SGSM1: variants seen among roughly 807,000 people sequenced by gnomAD.
The protein encoded by SGSM1 is small G protein signaling modulator 1, also known as RUN and TBC1 domain containing 2.
SGSM1 carries 73 observed loss-of-function variants against 133.8 expected under a neutral mutation model. That is an observed-to-expected ratio of 0.55 (90% CI 0.45 to 0.66). SGSM1 has a LOEUF of 0.66. Among genes scored for constraint, SGSM1 ranks in the 30% least tolerant of loss-of-function variants. SGSM1 has a pLI of 0.00. For synonymous variants in SGSM1, 563 were observed against 573.0 expected (o/e 0.98, Z 0.25); for missense variants, 1,213 against 1,448.1 (o/e 0.84, Z 2.64).
At chr22:24,846,492 T>C (rs567722421) in intron 3 of SGSM1, among the ~76,000 whole-genome samples, 1 of 152,326 alleles carries the variant, frequency 6.6e-6, no homozygotes, top group African/African-American at 2.4e-5. Flanking sequence ...ATCTTAAGAC[T>C]TGCTAGCCTA....
chr22:24,916,781 C>A (rs1933835533), intron 22 of SGSM1, among the ~76,000 whole-genome samples: 1 of 152,038 alleles, frequency 6.6e-6, no homozygotes, highest in Admixed American at 6.6e-5. Context: ...CCATTCATGT[C>A]TTGATGGACA....
intron 16 of SGSM1, among the ~76,000 whole-genome samples, chr22:24,890,198 C>T (rs1301049365): frequency 6.6e-6 from 1 of 152,092 alleles, no homozygotes. Context: ...CCTTGTGATC[C>T]GCCCGCCTTG....
At chr22:24,851,449 GGAGAGAGAGAGA>G (rs56956761) in intron 5 of SGSM1, among the ~76,000 whole-genome samples, 60 of 112,870 alleles carry the variant, frequency 5.3e-4, no homozygotes, top group South Asian at 4.5e-3. Context: ...GGGGGTGGGG[GGAGAGAGAGAGA>G]GAGAGAGAGA....
chr22:24,829,301 T>C (rs1026136745), intron 2 of SGSM1, among the ~76,000 whole-genome samples: 5 of 151,964 alleles, frequency 3.3e-5, no homozygotes, highest in African/African-American at 9.7e-5. Context: ...AAATACCACA[T>C]GTTTTCACTT....
chr22:24,910,221 T>TA (rs754814066), intron 21 of SGSM1, among the ~76,000 whole-genome samples: 1 of 152,096 alleles, frequency 6.6e-6, no homozygotes, highest in Non-Finnish European at 1.5e-5. Context: ...GCTTCATTGA[T>TA]ATAGGGATTT....
intron 2 of SGSM1, among the ~76,000 whole-genome samples, chr22:24,818,477 C>T (rs1027393621): frequency 6.6e-6 from 1 of 151,434 alleles, no homozygotes; most frequent in African/African-American, 2.4e-5. Flanking sequence ...AAGCGATTCT[C>T]CTGCCTCAGC....
intron 20 of SGSM1, among the ~76,000 whole-genome samples, chr22:24,902,448 A>T (rs1933201317): frequency 6.6e-6 from 1 of 152,088 alleles, no homozygotes; most frequent in Admixed American, 6.6e-5. Context: ...AGGCCACTTG[A>T]GTTCTTCACA....
chr22:24,906,263 C>A (rs550497998), intron 21 of SGSM1, among the ~76,000 whole-genome samples: 3 of 152,214 alleles, frequency 2.0e-5, no homozygotes, highest in Admixed American at 2.0e-4. Flanking sequence ...AAACTAAACA[C>A]GATAGAGGGC....
chr22:24,834,229 C>G (rs1166254671), intron 2 of SGSM1, among the ~76,000 whole-genome samples: 1 of 152,220 alleles, frequency 6.6e-6, no homozygotes, highest in African/African-American at 2.4e-5. Context: ...TGAGAGCTGT[C>G]CCCGACTGCA....
At chr22:24,916,787 G>T (rs1169296680) in intron 22 of SGSM1, among the ~76,000 whole-genome samples, 6 of 152,088 alleles carry the variant, frequency 3.9e-5, no homozygotes, top group African/African-American at 1.4e-4. Flanking sequence ...ATGTCTTGAT[G>T]GACATTTGAG....
In SGSM1 at chr22:24,859,825, T is replaced by C; in HGVS notation, c.911T>C (p.Leu304Pro). The change falls in exon 9 of 25, where the codon CTG (leucine) becomes CCG (proline). Residue 304 changes from leucine (L) to proline (P), a missense_variant. Coordinates refer to ENST00000400358, the MANE Select transcript of SGSM1 (RefSeq NM_001098497.3). The part of the protein sequence containing the change: ...NQLMNGSVGD[L>P]DYEKSVYWDY... ...CTGATGAACGGGTCTGTGGGGGACCTGGACTATGAGAAGAGGTAGGGCACT... is the reference window on the plus strand; with the variant it reads ...CTGATGAACGGGTCTGTGGGGGACCCGGACTATGAGAAGAGGTAGGGCACT... 1.2e-6 allele frequency: 2 copies of C among 1,613,820 alleles called. No individual in the cohort carries two copies. Among genetic ancestry groups the C allele is most frequent in the Non-Finnish European group, 1.7e-6 (2 of 1,179,814 alleles).
In SGSM1 at chr22:24,855,711, A is replaced by C. The variant is rs747944298; in HGVS notation, c.801+31A>C. On this transcript the variant is annotated intron_variant, in intron 8 of 24. Transcript: ENST00000400358. ...AGGTTATCTTGGGCCTAGATCTTGCACTGAGGGTCTCACTCCAGGTTATAG... is the reference window on the plus strand; with the variant it reads ...AGGTTATCTTGGGCCTAGATCTTGCCCTGAGGGTCTCACTCCAGGTTATAG... 3.1e-6 allele frequency: 5 copies of C among 1,613,910 alleles called. No homozygotes were observed. The South Asian group carries it at 5.5e-5, about 18-fold the overall frequency.
At chr22:24,921,338 G>T (rs1465670854) in intron 24 of SGSM1, among the ~76,000 whole-genome samples, 1 of 152,132 alleles carries the variant, frequency 6.6e-6, no homozygotes, top group Non-Finnish European at 1.5e-5. Context: ...GACCTCAGGC[G>T]ATCCGTCTGC....
rs1347370715 is a variant in SGSM1, at chr22:24,895,241, T to G, written c.1972T>G (p.Ser658Ala). 6.2e-7 allele frequency: 1 copy of G among 1,611,432 alleles called. No individual in the cohort carries two copies. Among genetic ancestry groups the G allele is most frequent in the Non-Finnish European group, 8.5e-7 (1 of 1,179,104 alleles). The change falls in exon 18 of 25, where the codon TCG (serine) becomes GCG (alanine). Residue 658 changes from serine (S) to alanine (A), a missense_variant. Physicochemically the swap from Ser to Ala is moderately conservative, Grantham distance 99. Coordinates refer to ENST00000400358, the MANE Select transcript of SGSM1 (RefSeq NM_001098497.3). ...TTCTCAGTCCTCCCAGAGCTGCAGT[T>G]CGGGCCGCCAGAACATCCGCCTGCA... ...ISNESSQSCS[S>A]GRQNIRLHSD...
At chr22:24,827,087 G>T (rs1010270553) in intron 2 of SGSM1, among the ~76,000 whole-genome samples, 2 of 152,126 alleles carry the variant, frequency 1.3e-5, no homozygotes, top group East Asian at 3.9e-4. Context: ...GCACCCTGGG[G>T]CATGTAAGTC....
intron 2 of SGSM1, among the ~76,000 whole-genome samples, chr22:24,841,904 G>A (rs1471477692): frequency 6.6e-6 from 1 of 152,198 alleles, no homozygotes; most frequent in African/African-American, 2.4e-5. Context: ...GTTGTGATAA[G>A]TGTCTCATCC....
At chr22:24,923,341 G>A (rs1000307858) in intron 24 of SGSM1, among the ~76,000 whole-genome samples, 2 of 143,410 alleles carry the variant, frequency 1.4e-5, no homozygotes, top group East Asian at 2.8e-4. Flanking sequence ...CCATGTCTTA[G>A]TTTTAGTGTT....
At chr22:24,909,941 T>A (rs1933557095) in intron 21 of SGSM1, among the ~76,000 whole-genome samples, 1 of 152,200 alleles carries the variant, frequency 6.6e-6, no homozygotes, top group Non-Finnish European at 1.5e-5. Context: ...GTGGAAACAG[T>A]CCAAATGTCC....
chr22:24,924,112 T>C, intron 24 of SGSM1, 74 bp from the exon 25 acceptor site: 1 of 1,421,556 alleles, frequency 7.0e-7, no homozygotes, highest in Non-Finnish European at 9.8e-7. Context: ...CAGAGAAGCC[T>C]CCAGGGGCTG....
Sources: gnomAD v4.1 joint callset for allele counts (sites outside exome capture counted in the v4.1 genomes callset) on GRCh38, gnomAD v4.1.1 for gene constraint, MANE v1.5 for transcripts, NCBI Gene and HGNC (gene_info 2026-07-23, HGNC 2026-07-21) for gene names.